The following CFAP54 variants were observed in gnomAD, a reference collection of about 807,000 sequenced individuals.
CFAP54 encodes cilia- and flagella-associated protein 54.
Under a neutral mutation model 370.4 loss-of-function variants are expected in CFAP54, and 290 were observed. The ratio of observed to expected loss-of-function variants is 0.78; its 90% CI spans 0.71 to 0.86. CFAP54 has a LOEUF of 0.86. Among genes scored for constraint, CFAP54 ranks in the 40% least tolerant of loss-of-function variants. The pLI, the probability that CFAP54 is intolerant of heterozygous loss-of-function variation, is 0.00. For synonymous variants in CFAP54, 1,206 were observed against 1,236.5 expected (o/e 0.98, Z 0.52); for missense variants, 3,399 against 3,528.7 (o/e 0.96, Z 0.93).
intron 62 of CFAP54, among the ~76,000 whole-genome samples, chr12:96,788,748 A>G (rs1485277155): frequency 2.6e-5 from 4 of 152,294 alleles, no homozygotes; most frequent in South Asian, 2.1e-4. Flanking sequence ...TAAGTTTTTA[A>G]AAGTAGTGGA....
intron 11 of CFAP54, among the ~76,000 whole-genome samples, chr12:96,534,933 C>T (rs1373888521): frequency 6.6e-6 from 1 of 150,962 alleles, no homozygotes; most frequent in Non-Finnish European, 1.5e-5. Context: ...ACATAGCATA[C>T]AAATGTTGGA....
intron 63 of CFAP54, among the ~76,000 whole-genome samples, chr12:96,800,317 A>G (rs968408623): frequency 2.6e-5 from 4 of 152,252 alleles, no homozygotes; most frequent in African/African-American, 9.6e-5. Flanking sequence ...CAATTAACAT[A>G]GAAGCATGAA....
chr12:96,582,168 G>T (rs1417956049), intron 22 of CFAP54, among the ~76,000 whole-genome samples: 1 of 152,102 alleles, frequency 6.6e-6, no homozygotes, highest in East Asian at 1.9e-4. Flanking sequence ...GTATTAAATG[G>T]AATTATGCCT....
At chr12:96,549,297 T>C (rs1325330499) in intron 15 of CFAP54, among the ~76,000 whole-genome samples, 1 of 152,222 alleles carries the variant, frequency 6.6e-6, no homozygotes, top group African/African-American at 2.4e-5. Context: ...AGATAAATTT[T>C]CTGGCAATTA....
intron 64 of CFAP54, among the ~76,000 whole-genome samples, chr12:96,815,439 A>G (rs888494977): frequency 1.3e-5 from 2 of 151,834 alleles, no homozygotes; most frequent in African/African-American, 2.4e-5. Context: ...AGTTCTTTGT[A>G]GATTCTGGAT....
At chr12:96,844,367 G>T (rs1323734816) in intron 66 of CFAP54, among the ~76,000 whole-genome samples, 2 of 152,136 alleles carry the variant, frequency 1.3e-5, no homozygotes, top group African/African-American at 4.8e-5. Context: ...TGAAGGTGAA[G>T]AAAGGGGTGC....
Position 96,540,910 on chromosome 12 carries a change from T to C in CFAP54, c.2000T>C (p.Val667Ala). ...YKMEDIDIVVVAEVTLRLSEI... is the reference protein window; with the variant it reads ...YKMEDIDIVVAAEVTLRLSEI... Reference sequence around the variant, plus strand: ...ATGGAAGACATTGACATTGTGGTAGTGGCAGAAGTCACATTACGGTTAAGT... The same window carrying C: ...ATGGAAGACATTGACATTGTGGTAGCGGCAGAAGTCACATTACGGTTAAGT... The change falls in exon 14 of 68, where the codon GTG (valine) becomes GCG (alanine). Residue 667 changes from valine (V) to alanine (A), a missense_variant. Val to Ala is a moderately conservative substitution (Grantham distance 64, BLOSUM62 0). Coordinates refer to ENST00000524981, the MANE Select transcript of CFAP54 (RefSeq NM_001306084.2). 6.6e-7 allele frequency: 1 copy of C among 1,521,124 alleles called. No individual in the cohort carries two copies. The highest frequency in any genetic ancestry group is 2.5e-5 in the East Asian group (1 of 40,104). The allele number at this position is 1,521,124 out of a possible 1,614,324, so 94.2% of individuals were successfully genotyped here.
intron 66 of CFAP54, among the ~76,000 whole-genome samples, chr12:96,846,654 A>G (rs1959355841): frequency 1.3e-5 from 2 of 152,280 alleles, no homozygotes; most frequent in Admixed American, 6.5e-5. Context: ...ATAGTTCCCT[A>G]TAAAGAGCAT....
chr12:96,516,065 G>A (rs778537462), intron 5 of CFAP54, among the ~76,000 whole-genome samples: 5 of 151,746 alleles, frequency 3.3e-5, no homozygotes, highest in African/African-American at 7.3e-5. Flanking sequence ...ACAGGCACCC[G>A]CCCCAATGCC....
intron 50 of CFAP54, among the ~76,000 whole-genome samples, chr12:96,727,951 G>A (rs968148134): frequency 2.6e-5 from 4 of 151,590 alleles, no homozygotes; most frequent in Non-Finnish European, 5.9e-5. Flanking sequence ...AGTTTGGCTG[G>A]ATATGAAATT....
chr12:96,786,665 C>G lies in CFAP54; in HGVS notation c.8456-10C>G. 6.6e-7 allele frequency: 1 copy of G among 1,508,284 alleles called. No homozygotes were observed. The highest frequency in any genetic ancestry group is 8.9e-7 in the Non-Finnish European group (1 of 1,128,082). The allele number at this position is 1,508,284 out of a possible 1,614,324, so 93.4% of individuals were successfully genotyped here. ...TATGAACCTAAACTAAGGTATTTTTCTTTCTTAAGCATCTGCAACACCAGT... is the reference window on the plus strand; with the variant it reads ...TATGAACCTAAACTAAGGTATTTTTGTTTCTTAAGCATCTGCAACACCAGT... On this transcript the variant is annotated splice_polypyrimidine_tract_variant and intron_variant, in intron 61 of 67. Transcript: ENST00000524981.
At chr12:96,869,933 CAA>C (rs760992300) in intron 67 of CFAP54, among the ~76,000 whole-genome samples, 15 of 36,838 alleles carry the variant, frequency 4.1e-4, no homozygotes, top group Middle Eastern at 0.022. Flanking sequence ...AAAACTCCGT[CAA>C]AAAAAAAAAA....
At chr12:96,492,877 C>T (rs546896499) in intron 1 of CFAP54, among the ~76,000 whole-genome samples, 24 of 151,942 alleles carry the variant, frequency 1.6e-4, no homozygotes, top group Non-Finnish European at 2.6e-4. Context: ...GCCTGTAATC[C>T]CAGCTACTCA....
At chr12:96,592,797 T>C (rs1335693053) in intron 24 of CFAP54, among the ~76,000 whole-genome samples, 160 bp downstream of exon 24, 1 of 152,200 alleles carries the variant, frequency 6.6e-6, no homozygotes, top group Non-Finnish European at 1.5e-5. Flanking sequence ...CATATAAGTT[T>C]CACAGGCCTG....
intron 6 of CFAP54, 54 bp downstream of exon 6, chr12:96,519,125 A>C (rs1955274720): frequency 1.4e-6 from 2 of 1,475,026 alleles, no homozygotes; most frequent in South Asian, 1.3e-5. Flanking sequence ...TTGAGATGGA[A>C]TCTGGCTTTG....
At chr12:96,621,907 T>TTTTA (rs1956499400) in intron 27 of CFAP54, among the ~76,000 whole-genome samples, 186 bp downstream of exon 27, 1 of 95,014 alleles carries the variant, frequency 1.1e-5, no homozygotes, top group African/African-American at 4.1e-5. Context: ...TTTTTTTTTT[T>TTTTA]AGTTATGGTC....
At chr12:96,527,183 C>G in intron 8 of CFAP54, 63 bp from the exon 9 acceptor site, 1 of 1,362,918 alleles carries the variant, frequency 7.3e-7, no homozygotes, top group Non-Finnish European at 9.7e-7. Flanking sequence ...AGGCATGAGC[C>G]ACTGCGCCCA....
In CFAP54 at chr12:96,657,938, T is replaced by C. The variant is rs1312880445; in HGVS notation, c.5157T>C (p.Asn1719=). The C allele has an allele frequency of 6.2e-6, 10 of 1,613,902 alleles. No homozygotes were observed. Among genetic ancestry groups the C allele is most frequent in the East Asian group, 2.2e-5 (1 of 44,828 alleles). The part of the protein sequence containing the change: ...SVPSCYGNIK[N]DNGGSSLTFE... ...CAAGCTGTTATGGGAATATTAAAAA[T>C]GACAACGGTGGTTCTAGTCTTACCT... Residue 1719 remains asparagine (N), a synonymous_variant, in exon 37 of 68, where the codon AAT becomes AAC. Transcript: ENST00000524981.
intron 17 of CFAP54, among the ~76,000 whole-genome samples, chr12:96,560,983 T>G (rs1302797920): frequency 6.6e-6 from 1 of 152,246 alleles, no homozygotes; most frequent in Non-Finnish European, 1.5e-5. Context: ...TTTAATTTTT[T>G]GAGTAACACT....
Sources: allele counts gnomAD v4.1 joint callset (sites outside exome capture counted in the v4.1 genomes callset), GRCh38; gene constraint gnomAD v4.1.1; transcripts MANE v1.5; gene names NCBI Gene and HGNC (gene_info 2026-07-23, HGNC 2026-07-21).